The following ITGA1 variants were observed in gnomAD, a reference collection of about 807,000 sequenced individuals.
ITGA1 encodes the protein integrin subunit alpha 1, also known as integrin alpha-1.
ITGA1 carries 85 observed loss-of-function variants against 145.9 expected under a neutral mutation model. The observed-to-expected ratio is 0.58, with a 90% CI of 0.49 to 0.70. ITGA1 has a LOEUF of 0.70. ITGA1 is among the 30% of genes least tolerant of loss of function. The probability of loss-of-function intolerance (pLI) is 0.00; values close to 1 mark genes in which losing one functional copy is unlikely to be tolerated. For synonymous variants in ITGA1, 520 were observed against 495.3 expected (o/e 1.05, Z -0.66); for missense variants, 1,351 against 1,418.7 (o/e 0.95, Z 0.77).
intron 1 of ITGA1, among the ~76,000 whole-genome samples, chr5:52,840,903 C>T (rs1749245175): frequency 6.6e-6 from 1 of 152,142 alleles, no homozygotes; most frequent in Non-Finnish European, 1.5e-5. Flanking sequence ...AACTATACTT[C>T]CTTGCCTCCT....
intron 1 of ITGA1, chr5:52,802,315 C>T (rs1322240330): frequency 6.6e-6 from 1 of 152,326 alleles, no homozygotes; most frequent in Non-Finnish European, 1.5e-5. Flanking sequence ...CCACACACTA[C>T]ATTTTTTTTA....
chr5:52,910,184 G>T lies in ITGA1; in HGVS notation c.1622G>T (p.Ser541Ile). The change falls in exon 14 of 29, where the codon AGC (serine) becomes ATC (isoleucine). Residue 541 changes from serine to isoleucine, a missense_variant. Transcript: ENST00000282588. Reference protein sequence around the residue: ...LNQTRFEYQMSLEPIKQTCCS... With the variant: ...LNQTRFEYQMILEPIKQTCCS... ...CAGACAAGGTTTGAATATCAAATGA[G>T]CCTGGAACCTATTAAGCAGACGTGC... The T allele has an allele frequency of 6.2e-7, 1 of 1,610,286 alleles. No individual in the cohort carries two copies. The highest frequency in any genetic ancestry group is 8.5e-7 in the Non-Finnish European group (1 of 1,176,764).
intron 1 of ITGA1, among the ~76,000 whole-genome samples, chr5:52,821,410 A>G (rs1748877085): frequency 6.6e-6 from 1 of 152,170 alleles, no homozygotes; most frequent in Non-Finnish European, 1.5e-5. Flanking sequence ...TATTCATAAA[A>G]AATAAGAATA....
intron 16 of ITGA1, among the ~76,000 whole-genome samples, chr5:52,919,195 G>A (rs180905268): frequency 2.0e-4 from 31 of 152,220 alleles, no homozygotes; most frequent in Non-Finnish European, 3.4e-4. Context: ...AAAAAATACC[G>A]ATTCAGAGGT....
intron 2 of ITGA1, among the ~76,000 whole-genome samples, chr5:52,860,565 T>G (rs11949835): frequency 0.28 from 42,755 of 151,910 alleles, 6,284 homozygotes; most frequent in South Asian, 0.4. Context: ...AATAAAAAAA[T>G]AAAATAAAAA....
chr5:52,903,783 T>C (rs1021107940), intron 11 of ITGA1: 2 of 152,206 alleles, frequency 1.3e-5, no homozygotes, highest in Non-Finnish European at 2.9e-5. Flanking sequence ...CATGTGGCAA[T>C]TTTTATTCAT....
intron 7 of ITGA1, among the ~76,000 whole-genome samples, chr5:52,886,464 C>T (rs1289565851): frequency 6.6e-6 from 1 of 152,190 alleles, no homozygotes; most frequent in Non-Finnish European, 1.5e-5. Flanking sequence ...CTTGGCAAAT[C>T]TATCCCAAAT....
At chr5:52,916,303 A>G (rs1361277029) in intron 15 of ITGA1, among the ~76,000 whole-genome samples, 1 of 152,094 alleles carries the variant, frequency 6.6e-6, no homozygotes, top group Non-Finnish European at 1.5e-5. Flanking sequence ...TATATAATAA[A>G]TTTCATTAAG....
chr5:52,898,517 C>A (rs1750266756), intron 11 of ITGA1, 134 bp downstream of exon 11: 4 of 815,770 alleles, frequency 4.9e-6, no homozygotes, highest in Non-Finnish European at 7.3e-6. Flanking sequence ...TTTTCCAGAA[C>A]CCATGCAAAG....
chr5:52,918,618 G>T (rs1016192553), intron 15 of ITGA1, 114 bp from the exon 16 acceptor site: 1 of 860,430 alleles, frequency 1.2e-6, no homozygotes. Flanking sequence ...AGTCCTGAGC[G>T]CTGTATTATA....
At position 52,893,841 on chromosome 5, in the gene ITGA1, G is replaced by C; in HGVS notation, c.1090+1G>C. 1.2e-6 allele frequency: 2 copies of C among 1,605,632 alleles called. No homozygotes were observed. Among genetic ancestry groups the C allele is most frequent in the South Asian group, 2.2e-5 (2 of 90,180 alleles). On this transcript the variant is annotated splice_donor_variant, in intron 9 of 28. Coordinates refer to ENST00000282588, the MANE Select transcript of ITGA1 (RefSeq NM_181501.2). LOFTEE classifies it high-confidence loss of function. ...GGAGAAAGAATATTTGCCCTGGAAG[G>C]TATGTCTATTTATCTTATTGCTGCA...
intron 1 of ITGA1, among the ~76,000 whole-genome samples, chr5:52,829,165 A>G (rs1035139764): frequency 6.6e-6 from 1 of 152,208 alleles, no homozygotes. Context: ...AACACAATTC[A>G]GCCCACTATA....
intron 1 of ITGA1, among the ~76,000 whole-genome samples, chr5:52,838,447 A>G (rs1302549109): frequency 6.6e-6 from 1 of 152,078 alleles, no homozygotes; most frequent in Non-Finnish European, 1.5e-5. Flanking sequence ...TCATTTTGTT[A>G]GTTAGCTTCA....
rs1338368644 is a variant in ITGA1 at position 52,955,967 on chromosome 5, A to G, written c.*3516A>G. On this transcript the variant is annotated 3_prime_UTR_variant, in exon 29 of 29. Transcript: ENST00000282588. Reference sequence around the variant, plus strand: ...TATATATATATATATATACACATACACTCACATGCAGATATTTACATATAT... The same window carrying G: ...TATATATATATATATATACACATACGCTCACATGCAGATATTTACATATAT... 5.3e-5 allele frequency: 8 copies of G among 152,048 alleles called. No homozygotes were observed. Among genetic ancestry groups the G allele is most frequent in the Non-Finnish European group, 1.2e-4 (8 of 68,000 alleles). The allele number at this position is 152,048 out of a possible 1,614,324, so 9.4% of individuals were successfully genotyped here.
intron 1 of ITGA1, chr5:52,824,366 A>G (rs1415436519): frequency 1.4e-5 from 2 of 147,030 alleles, no homozygotes; most frequent in Admixed American, 7.1e-5. Context: ...ATCCCAGCCT[A>G]TGGTGACCTC....
chr5:52,847,060 T>C (rs528200377), intron 1 of ITGA1, among the ~76,000 whole-genome samples: 32 of 152,288 alleles, frequency 2.1e-4, no homozygotes, highest in African/African-American at 7.7e-4. Flanking sequence ...AGAGTCATTG[T>C]TTTTAGGAAT....
At chr5:52,805,910 A>G (rs1410766311) in intron 1 of ITGA1, among the ~76,000 whole-genome samples, 1 of 152,192 alleles carries the variant, frequency 6.6e-6, no homozygotes. Flanking sequence ...TGTTTCAAAA[A>G]TTGATTTTGA....
intron 19 of ITGA1, among the ~76,000 whole-genome samples, chr5:52,926,237 C>A (rs1444577252): frequency 6.6e-6 from 1 of 152,100 alleles, no homozygotes; most frequent in African/African-American, 2.4e-5. Flanking sequence ...TAGGATATCA[C>A]TTAGAGACAT....
intron 1 of ITGA1, among the ~76,000 whole-genome samples, chr5:52,840,465 C>A (rs1037156703): frequency 6.6e-6 from 1 of 152,144 alleles, no homozygotes; most frequent in African/African-American, 2.4e-5. Flanking sequence ...GATCCAGGGA[C>A]CCCTGAGGTT....
Sources: gnomAD v4.1 joint callset for allele counts (sites outside exome capture counted in the v4.1 genomes callset) on GRCh38, gnomAD v4.1.1 for gene constraint, MANE v1.5 for transcripts, NCBI Gene and HGNC (gene_info 2026-07-23, HGNC 2026-07-21) for gene names.